Variants in FAHD1 observed in about 807,000 individuals in gnomAD.
FAHD1 encodes oxaloacetate tautomerase FAHD1, mitochondrial.
Under a neutral mutation model 12.7 loss-of-function variants are expected in FAHD1, and 14 were observed. The observed-to-expected ratio is 1.10, with a 90% CI of 0.73 to 1.72. FAHD1 has a LOEUF of 1.72. Ranked by LOEUF, FAHD1 falls within the 40% of genes most tolerant of loss-of-function variation. The pLI is 0.00. For missense variants in FAHD1, 351 were observed against 298.9 expected (o/e 1.17, Z -1.29); for synonymous variants, 153 against 124.9 (o/e 1.22, Z -1.50).
chr16:1,827,706 G>A (rs1200948631), exon 1 of FAHD1: 1 of 1,614,160 alleles, frequency 6.2e-7, no homozygotes. Flanking sequence ...TCAGACAGGA[G>A]GGTGAGACAT....
chr16:1,829,851 C>CTT (rs57402569), downstream of FAHD1, among the ~76,000 whole-genome samples: 1 of 149,214 alleles, frequency 6.7e-6, no homozygotes, highest in Non-Finnish European at 1.5e-5. Context: ...ATACAATTTT[C>CTT]TTTTTTTTCT....
exon 1 of FAHD1, chr16:1,827,650 C>A (rs1464486714): frequency 1.9e-6 from 3 of 1,614,078 alleles, no homozygotes; most frequent in Non-Finnish European, 2.5e-6. Context: ...GGAGAAGATC[C>A]CTGACCCTCA....
At chr16:1,827,787 T>C (rs1393872631) in exon 1 of FAHD1, 9 of 1,613,968 alleles carry the variant, frequency 5.6e-6, no homozygotes, top group East Asian at 2.2e-5. Flanking sequence ...AAGAAGGAGA[T>C]ATTATCTTGA....
At chr16:1,837,978 G>A in intron 1 of FAHD1, 2 of 1,442,954 alleles carry the variant, frequency 1.4e-6, no homozygotes, top group Admixed American at 2.8e-5. Flanking sequence ...AATTTTATTT[G>A]CAGTAATTAC....
chr16:1,832,551 C>T (rs922257436), downstream of FAHD1, among the ~76,000 whole-genome samples: 5 of 151,736 alleles, frequency 3.3e-5, no homozygotes, highest in African/African-American at 7.2e-5. Context: ...TTTGGGAGGC[C>T]GAGGTGGGTG....
downstream of FAHD1, among the ~76,000 whole-genome samples, chr16:1,829,422 C>T (rs7185299): frequency 0.13 from 19,345 of 152,100 alleles, 1,261 homozygotes; most frequent in South Asian, 0.14. Context: ...CTAGAGGCTG[C>T]GAAGGCTGGC....
exon 3 of FAHD1, chr16:1,839,674 C>A: frequency 2.3e-6 from 1 of 437,780 alleles, no homozygotes; most frequent in East Asian, 4.1e-5. Flanking sequence ...GCCCTCCTTC[C>A]CTCCCTCTGC....
exon 1 of FAHD1, chr16:1,828,327 A>G (rs1041595406): frequency 2.0e-5 from 20 of 1,006,836 alleles, no homozygotes; most frequent in East Asian, 2.2e-4. Flanking sequence ...TTAGATTGCT[A>G]TGCCTCAACT....
chr16:1,839,342 A>G, exon 3 of FAHD1: 1 of 1,614,244 alleles, frequency 6.2e-7, no homozygotes, highest in Non-Finnish European at 8.5e-7. Flanking sequence ...CAATCAGCAC[A>G]TGGAAACTGA....
At chr16:1,840,168 C>G (rs1175691132) in exon 3 of FAHD1, 1 of 152,142 alleles carries the variant, frequency 6.6e-6, no homozygotes, top group Non-Finnish European at 1.5e-5. Context: ...ATTTTAGATG[C>G]TTTTCCTCAG....
At chr16:1,839,330 A>G (rs370800787) in exon 3 of FAHD1, 35 of 1,614,164 alleles carry the variant, frequency 2.2e-5, no homozygotes, top group Non-Finnish European at 2.9e-5. Flanking sequence ...GATCAGTCAG[A>G]TCAATCAGCA....
exon 1 of FAHD1, chr16:1,827,220 G>A: frequency 6.3e-7 from 1 of 1,594,182 alleles, no homozygotes. Flanking sequence ...CGTGACTACA[G>A]GGGCACTTGA....
exon 1 of FAHD1, chr16:1,828,274 C>CAA (rs71145497): frequency 0.13 from 99,093 of 782,632 alleles, 178 homozygotes; most frequent in Non-Finnish European, 0.13. Flanking sequence ...GACTCCGTCT[C>CAA]AAAAAAAAAA....
In FAHD1 at chr16:1,838,209, A is replaced by G. The variant is rs1596962421; in HGVS notation, c.*8+75A>G. The G allele has an allele frequency of 6.8e-6, 3 of 439,570 alleles. No homozygotes were observed. The East Asian group carries it at 9.9e-5, about 15-fold the overall frequency. 27.2% of individuals were successfully genotyped at this position (439,570 alleles called of 1,614,324 possible). On this transcript the variant is annotated intron_variant, in intron 2 of 2. Transcript: ENST00000382666. Reference sequence around the variant, plus strand: ...GAGACAGGGTCTCACTATGTTGCCCAGGGTGATCTTGAACTCCTGGCCTCA... The same window carrying G: ...GAGACAGGGTCTCACTATGTTGCCCGGGGTGATCTTGAACTCCTGGCCTCA...
chr16:1,839,480 G>A, exon 3 of FAHD1: 2 of 1,531,046 alleles, frequency 1.3e-6, no homozygotes, highest in East Asian at 2.3e-5. Flanking sequence ...GATGCCCTAA[G>A]CTACAAATTT....
At chr16:1,830,903 CCTCT>C (rs199581179), downstream of FAHD1, among the ~76,000 whole-genome samples, 3 of 127,110 alleles carry the variant, frequency 2.4e-5, no homozygotes, top group Non-Finnish European at 3.3e-5. Flanking sequence ...CAGACATGCA[CCTCT>C]CTCTCTCTAT....
chr16:1,831,786 A>G (rs1898624893), downstream of FAHD1, among the ~76,000 whole-genome samples: 1 of 152,144 alleles, frequency 6.6e-6, no homozygotes, highest in Non-Finnish European at 1.5e-5. Flanking sequence ...AGATTCTCAC[A>G]GGAGCGTGAA....
At chr16:1,828,403 A>T (rs1479858493) in exon 1 of FAHD1, 1 of 1,001,622 alleles carries the variant, frequency 1.0e-6, no homozygotes, top group Non-Finnish European at 1.2e-6. Flanking sequence ...AAAACAGGCA[A>T]GTAAAGTATT....
chr16:1,838,431 A>G (rs1898807718), intron 2 of FAHD1, among the ~76,000 whole-genome samples: 1 of 152,208 alleles, frequency 6.6e-6, no homozygotes, highest in Non-Finnish European at 1.5e-5. Context: ...CTAAAGTCTA[A>G]TGGTAAATTT....
Sources: allele counts gnomAD v4.1 joint callset (sites outside exome capture counted in the v4.1 genomes callset), GRCh38; gene constraint gnomAD v4.1.1; transcripts MANE v1.5; gene names NCBI Gene and HGNC (gene_info 2026-07-23, HGNC 2026-07-21).